Variants in ALDH1L1 observed in about 807,000 individuals in gnomAD.
ALDH1L1 encodes cytosolic 10-formyltetrahydrofolate dehydrogenase.
ALDH1L1 carries 68 observed loss-of-function variants against 101.1 expected under a neutral mutation model. That is an observed-to-expected ratio of 0.67 (90% CI 0.55 to 0.82). The LOEUF (loss-of-function observed/expected upper bound fraction) is 0.82, where lower values mean the gene tolerates loss of function less well. Among genes scored for constraint, ALDH1L1 ranks in the 40% least tolerant of loss-of-function variants. The pLI is 0.00. For missense variants in ALDH1L1, 1,087 were observed against 1,172.7 expected (o/e 0.93, Z 1.07); for synonymous variants, 486 against 470.8 (o/e 1.03, Z -0.42).
Position 126,137,979 on chromosome 3 carries a change from A to C in ALDH1L1, c.1077-19T>G, listed in dbSNP as rs2080486399. The C allele has an allele frequency of 1.2e-6, 2 of 1,613,860 alleles. No homozygotes were observed. Among genetic ancestry groups the C allele is most frequent in the East Asian group, 4.5e-5 (2 of 44,866 alleles). On this transcript the variant is annotated intron_variant, in intron 9 of 22. Transcript: ENST00000393434. ...CACCAGCCTGGAGGAAGGAGATGGA[A>C]AGATGGGGACACGGGAGGGGCTCAG...
intron 1 of ALDH1L1, 115 bp from the exon 2 acceptor site, chr3:126,161,117 G>A: frequency 1.6e-6 from 2 of 1,253,796 alleles, no homozygotes; most frequent in South Asian, 3.1e-5. Flanking sequence ...AGTCCCCTCT[G>A]TGGCTCTGTG....
intron 1 of ALDH1L1, among the ~76,000 whole-genome samples, chr3:126,174,101 C>T (rs1321552591): frequency 6.6e-6 from 1 of 152,158 alleles, no homozygotes; most frequent in African/African-American, 2.4e-5. Context: ...TGCAGTGGCA[C>T]GATCTCGGCT....
At position 126,157,456 on chromosome 3, in the gene ALDH1L1, C is replaced by T. The variant is rs1189747599; in HGVS notation, c.415G>A (p.Asp139Asn). The change falls in exon 4 of 23, where the codon GAT (aspartate) becomes AAT (asparagine). Residue 139 changes from aspartate to asparagine, a missense_variant. Transcript: ENST00000393434. ...AGCAGGTCTCCGGTGTCCAGACCAT[C>T]ATCCGCCCAGAAGATGGAAAACCCC... ...KGGFSIFWADDGLDTGDLLLQ... is the reference protein window; with the variant it reads ...KGGFSIFWADNGLDTGDLLLQ... 4 of 1,614,154 alleles carry T rather than the reference C, an allele frequency of 2.5e-6. No individual in the cohort carries two copies. The highest frequency in any genetic ancestry group is 4.5e-5 in the East Asian group (2 of 44,868).
chr3:126,115,897 G>C (rs545491540), intron 17 of ALDH1L1, among the ~76,000 whole-genome samples: 1 of 151,010 alleles, frequency 6.6e-6, no homozygotes, highest in Non-Finnish European at 1.5e-5. Context: ...CTTTGAGATA[G>C]AGTCACACTC....
At chr3:126,110,433 T>C (rs776842712) in intron 19 of ALDH1L1, 19 of 344,258 alleles carry the variant, frequency 5.5e-5, no homozygotes, top group Non-Finnish European at 5.3e-5. Flanking sequence ...AACACGTATC[T>C]GACTCTGGTC....
At chr3:126,169,060 C>T (rs1377501751) in intron 1 of ALDH1L1, among the ~76,000 whole-genome samples, 1 of 151,988 alleles carries the variant, frequency 6.6e-6, no homozygotes, top group Non-Finnish European at 1.5e-5. Context: ...ACAGCAACAA[C>T]AACAACAAAA....
At chr3:126,158,340 T>C (rs2108296731) in intron 3 of ALDH1L1, 65 bp downstream of exon 3, 3 of 1,416,876 alleles carry the variant, frequency 2.1e-6, no homozygotes, top group Non-Finnish European at 2.9e-6. Flanking sequence ...TAATGGAAAG[T>C]GACAAGTCAG....
At chr3:126,181,224 GTCTC>G, upstream of ALDH1L1, 1 of 594,476 alleles carries the variant, frequency 1.7e-6, no homozygotes, top group Non-Finnish European at 3.0e-6. Context: ...GGCCAGCCCG[GTCTC>G]AGGCAAGGCC....
chr3:126,193,782 T>C (rs1420162836), intron 1 of ALDH1L1, among the ~76,000 whole-genome samples: 1 of 152,250 alleles, frequency 6.6e-6, no homozygotes, highest in African/African-American at 2.4e-5. Flanking sequence ...TCAAATTGTA[T>C]AACTAAAAAA....
intron 9 of ALDH1L1, among the ~76,000 whole-genome samples, chr3:126,142,842 C>T (rs35342053): frequency 0.085 from 12,884 of 152,234 alleles, 713 homozygotes; most frequent in Middle Eastern, 0.16. Context: ...TCCTTACCCA[C>T]GGGCAGGGTC....
At chr3:126,156,652 ACCAGCTGCCCAGGTGACTGAGCCGC>A (rs2080912210) in intron 4 of ALDH1L1, 1 of 152,286 alleles carries the variant, frequency 6.6e-6, no homozygotes, top group African/African-American at 2.4e-5. Flanking sequence ...TCTCAGCAGT[ACCAGCTGCCCAGGTGACTGAGCCGC>A]CCTGCCGCTC....
chr3:126,181,297 G>T, upstream of ALDH1L1: 1 of 441,348 alleles, frequency 2.3e-6, no homozygotes, highest in Non-Finnish European at 4.2e-6. Flanking sequence ...CCTGTGTCCA[G>T]GTGGCTCCTT....
chr3:126,175,806 C>A (rs1183774359), intron 1 of ALDH1L1, among the ~76,000 whole-genome samples: 1 of 152,030 alleles, frequency 6.6e-6, no homozygotes, highest in South Asian at 2.1e-4. Context: ...TCCCTTTCAC[C>A]CTTCCTAGTC....
chr3:126,104,142 G>A (rs1336990591), intron 22 of ALDH1L1: 16 of 491,920 alleles, frequency 3.3e-5, no homozygotes, highest in Non-Finnish European at 5.1e-5. Flanking sequence ...GAAGGGGGTG[G>A]AGAGACTTGG....
At chr3:126,130,485 A>G (rs1000439726) in intron 13 of ALDH1L1, among the ~76,000 whole-genome samples, 192 bp from the exon 14 acceptor site, 1 of 152,262 alleles carries the variant, frequency 6.6e-6, no homozygotes, top group Non-Finnish European at 1.5e-5. Context: ...CCTGGCAGGC[A>G]GAGCCCTTGG....
intron 1 of ALDH1L1, among the ~76,000 whole-genome samples, chr3:126,171,938 G>A (rs1182506370): frequency 1.3e-5 from 2 of 151,920 alleles, no homozygotes; most frequent in East Asian, 3.9e-4. Flanking sequence ...AGTAACAAGG[G>A]GATTACGGAT....
intron 9 of ALDH1L1, among the ~76,000 whole-genome samples, chr3:126,143,448 G>A (rs1410460113): frequency 6.6e-6 from 1 of 152,160 alleles, no homozygotes. Flanking sequence ...ATTTAAAAAC[G>A]TATGAATTAT....
chr3:126,152,218 T>C (rs933573256), intron 7 of ALDH1L1: 1 of 152,208 alleles, frequency 6.6e-6, no homozygotes. Flanking sequence ...CAGGCAGGTA[T>C]AATTGGAGGG....
In ALDH1L1 at chr3:126,196,848, T is replaced by A. The variant is rs754998258; in HGVS notation, c.-24+887A>T. On this transcript the variant is annotated intron_variant, in intron 1 of 2. Transcript: ENST00000509952. ...CTTGGAATCAAACCCAGGCCACCAA[T>A]GTGAAAGGACAAAACCTTAGCTACT... is the stretch of plus-strand genomic sequence containing the variant. 3.3e-5 allele frequency among the ~76,000 whole-genome samples: 5 copies of A among 152,168 alleles called. No homozygotes were observed. In the East Asian group the frequency reaches 9.6e-4, roughly 29 times the overall value.
Sources: gnomAD v4.1 joint callset for allele counts (sites outside exome capture counted in the v4.1 genomes callset) on GRCh38, gnomAD v4.1.1 for gene constraint, MANE v1.5 for transcripts, NCBI Gene and HGNC (gene_info 2026-07-23, HGNC 2026-07-21) for gene names.